UCK2: variants seen among roughly 807,000 people sequenced by gnomAD.
UCK2 encodes cytidine monophosphokinase 2.
UCK2 carries 6 observed loss-of-function variants against 30.8 expected under a neutral mutation model. That is an observed-to-expected ratio of 0.19 (90% CI 0.11 to 0.38). The LOEUF (loss-of-function observed/expected upper bound fraction) is 0.38. UCK2 is among the 10% of genes least tolerant of loss of function. UCK2 has a pLI of 1.00. For missense variants in UCK2, 210 were observed against 339.8 expected (o/e 0.62, Z 3.00); for synonymous variants, 125 against 133.6 (o/e 0.94, Z 0.45).
intron 4 of UCK2, among the ~76,000 whole-genome samples, chr1:165,899,882 C>G (rs1647395131): frequency 3.3e-5 from 5 of 152,128 alleles, no homozygotes; most frequent in Admixed American, 3.3e-4. Flanking sequence ...GGTGATAGTT[C>G]TATCGGAGGT....
chr1:165,894,134 T>A (rs535020380), intron 3 of UCK2: 1 of 152,226 alleles, frequency 6.6e-6, no homozygotes, highest in African/African-American at 2.4e-5. Context: ...CTAAATATAA[T>A]GCAGATATTC....
At chr1:165,850,153 C>T (rs577802741) in intron 1 of UCK2, among the ~76,000 whole-genome samples, 25 of 152,122 alleles carry the variant, frequency 1.6e-4, no homozygotes, top group Non-Finnish European at 2.8e-4. Flanking sequence ...TATTTTGAGA[C>T]AGAGTTTTGC....
At chr1:165,890,464 T>C (rs1172400111) in intron 2 of UCK2, 101 bp downstream of exon 2, 1 of 1,223,772 alleles carries the variant, frequency 8.2e-7, no homozygotes, top group African/African-American at 1.5e-5. Context: ...CGGAATCTTG[T>C]TTCTATCTAG....
At chr1:165,895,740 G>A in intron 3 of UCK2, 1 of 757,320 alleles carries the variant, frequency 1.3e-6, no homozygotes, top group South Asian at 6.0e-5. Flanking sequence ...GACTGGCGGG[G>A]AGGGGATGGA....
intron 1 of UCK2, among the ~76,000 whole-genome samples, chr1:165,861,733 G>A (rs1571277968): frequency 6.7e-6 from 1 of 150,096 alleles, no homozygotes; most frequent in East Asian, 1.9e-4. Context: ...TTCCCTACCT[G>A]GCCATTTTAC....
intron 1 of UCK2, among the ~76,000 whole-genome samples, chr1:165,869,683 A>T (rs1292667848): frequency 1.6e-3 from 42 of 25,916 alleles, no homozygotes; most frequent in Non-Finnish European, 1.9e-3. Flanking sequence ...TTTTTTTTTT[A>T]AAGAGATGGG....
chr1:165,839,777 G>A (rs532811458), intron 1 of UCK2, among the ~76,000 whole-genome samples: 1 of 152,302 alleles, frequency 6.6e-6, no homozygotes, highest in East Asian at 1.9e-4. Flanking sequence ...ATGATGTCTG[G>A]TTTGGAGAGG....
chr1:165,875,525 C>T (rs927368310), intron 1 of UCK2, among the ~76,000 whole-genome samples: 2 of 152,104 alleles, frequency 1.3e-5, no homozygotes, highest in African/African-American at 4.8e-5. Context: ...AGTGTCAAAT[C>T]CCACAGGTTG....
At chr1:165,829,384 C>T (rs1163886234) in intron 1 of UCK2, among the ~76,000 whole-genome samples, 1 of 152,224 alleles carries the variant, frequency 6.6e-6, no homozygotes, top group Admixed American at 6.5e-5. Flanking sequence ...TCTTGCTCTT[C>T]TGGCATATTC....
chr1:165,891,136 A>G (rs1052890990), intron 2 of UCK2, 90 bp from the exon 3 acceptor site: 19 of 1,143,296 alleles, frequency 1.7e-5, no homozygotes, highest in East Asian at 2.6e-5. Context: ...TGATGTGCCC[A>G]TATACATGTT....
intron 1 of UCK2, among the ~76,000 whole-genome samples, chr1:165,877,032 G>A (rs1370577966): frequency 6.6e-6 from 1 of 152,112 alleles, no homozygotes; most frequent in East Asian, 1.9e-4. Flanking sequence ...ATATTTTGAG[G>A]TTGGGGGAGT....
At chr1:165,892,571 G>C (rs750289688) in intron 3 of UCK2, 2 of 152,214 alleles carry the variant, frequency 1.3e-5, no homozygotes, top group Admixed American at 6.5e-5. Flanking sequence ...TCTCTTGTTG[G>C]CGTAGTAACC....
intron 1 of UCK2, among the ~76,000 whole-genome samples, chr1:165,885,945 A>G (rs1424844357): frequency 6.6e-6 from 1 of 152,232 alleles, no homozygotes; most frequent in Non-Finnish European, 1.5e-5. Flanking sequence ...AACCGTCTTT[A>G]AGTGTACATC....
rs1654512553 is a variant in UCK2, at chr1:165,848,654, A to ACC, written c.99+20723_99+20724insCC. 3.3e-5 allele frequency among the ~76,000 whole-genome samples: 5 copies of ACC among 151,284 alleles called. No individual in the cohort carries two copies. The East Asian group carries it at 5.8e-4, about 18-fold the overall frequency. On this transcript the variant is annotated intron_variant, in intron 1 of 6. Transcript: ENST00000367879. ...GTCTCCAAACAAAACACACACACAC[A>ACC]CACACCCACACACACACACACACCC...
intron 1 of UCK2, among the ~76,000 whole-genome samples, chr1:165,878,004 T>A (rs1469146032): frequency 6.6e-6 from 1 of 152,164 alleles, no homozygotes; most frequent in Non-Finnish European, 1.5e-5. Flanking sequence ...AGTTAATAGT[T>A]GACATTAGGG....
At chr1:165,852,188 C>A (rs530080409) in intron 1 of UCK2, among the ~76,000 whole-genome samples, 1 of 152,206 alleles carries the variant, frequency 6.6e-6, no homozygotes, top group Admixed American at 6.5e-5. Flanking sequence ...GAACTAATTA[C>A]AACAAAAGCC....
intron 1 of UCK2, among the ~76,000 whole-genome samples, chr1:165,830,568 G>A (rs938477214): frequency 6.6e-6 from 1 of 151,590 alleles, no homozygotes; most frequent in Non-Finnish European, 1.5e-5. Context: ...CTTGTGATCC[G>A]CCCGCCTCGG....
At chr1:165,829,806 A>G (rs1354973986) in intron 1 of UCK2, among the ~76,000 whole-genome samples, 1 of 151,988 alleles carries the variant, frequency 6.6e-6, no homozygotes, top group Non-Finnish European at 1.5e-5. Flanking sequence ...CTCTCAAGAA[A>G]GGAAGGGTCC....
intron 1 of UCK2, among the ~76,000 whole-genome samples, chr1:165,865,895 G>C (rs1655033707): frequency 6.6e-6 from 1 of 152,144 alleles, no homozygotes; most frequent in African/African-American, 2.4e-5. Flanking sequence ...ATTCTAAAAA[G>C]GTAGGAGATC....
Sources: gnomAD v4.1 joint callset for allele counts (sites outside exome capture counted in the v4.1 genomes callset) on GRCh38, gnomAD v4.1.1 for gene constraint, MANE v1.5 for transcripts, NCBI Gene and HGNC (gene_info 2026-07-23, HGNC 2026-07-21) for gene names.